The following TRAF3IP1 variants were observed in gnomAD, a reference collection of about 807,000 sequenced individuals.
TRAF3IP1 encodes the protein intraflagellar transport 54, also known as TRAF3-interacting protein 1.
A neutral mutation model predicts 89.9 loss-of-function variants in TRAF3IP1; 53 were observed. The observed-to-expected ratio is 0.59, with a 90% CI of 0.47 to 0.74. The LOEUF (loss-of-function observed/expected upper bound fraction) is 0.74. Ranked by LOEUF, TRAF3IP1 falls within the 30% of genes least tolerant of loss-of-function variation. The pLI, the probability that TRAF3IP1 is intolerant of heterozygous loss-of-function variation, is 0.00. For synonymous variants in TRAF3IP1, 311 were observed against 322.1 expected (o/e 0.97, Z 0.37); for missense variants, 806 against 866.1 (o/e 0.93, Z 0.87).
chr2:238,389,321 C>T (rs1700902753), intron 15 of TRAF3IP1, among the ~76,000 whole-genome samples: 1 of 152,146 alleles, frequency 6.6e-6, no homozygotes, highest in Admixed American at 6.5e-5. Context: ...GTGTACCCAT[C>T]ACCCAGTAGT....
rs1388231612 is a variant in TRAF3IP1, at chr2:238,349,375, G to A, written c.1418G>A (p.Arg473Gln). ...AGACCAGCCCCTCCCCGGGTCAAAC[G>A]GCAAGACAGCATGGAGGCGCTACAA... ...SARPAPPRVKRQDSMEALQMD... is the reference protein window; with the variant it reads ...SARPAPPRVKQQDSMEALQMD... The change falls in exon 12 of 17, where the codon CGG becomes CAG. Residue 473 changes from arginine to glutamine, a missense_variant. Physicochemically the swap from Arg to Gln is conservative, Grantham distance 43 (BLOSUM62 1). Transcript: ENST00000373327. The A allele has an allele frequency of 5.0e-6, 8 of 1,614,112 alleles. No individual in the cohort carries two copies. The highest frequency in any genetic ancestry group is 1.6e-4 in the Middle Eastern group (1 of 6,062).
chr2:238,396,310 A>C lies in TRAF3IP1; in HGVS notation c.1690-1149A>C, dbSNP rs538006461. ...AACCAAACACTGCATGTTCTCACTCATAGGTGGGAATTGAACAATGAGAAC... is the reference window on the plus strand; with the variant it reads ...AACCAAACACTGCATGTTCTCACTCCTAGGTGGGAATTGAACAATGAGAAC... On this transcript the variant is annotated intron_variant, in intron 15 of 16. Coordinates refer to ENST00000373327, the MANE Select transcript of TRAF3IP1 (RefSeq NM_015650.4). 8.7e-4 allele frequency among the ~76,000 whole-genome samples: 126 copies of C among 144,924 alleles called. 1 individual carries two copies. The highest frequency in any genetic ancestry group is 3.8e-3 in the South Asian group (17 of 4,494).
intron 8 of TRAF3IP1, among the ~76,000 whole-genome samples, chr2:238,339,298 A>C (rs1426359778): frequency 6.6e-6 from 1 of 152,238 alleles, no homozygotes; most frequent in African/African-American, 2.4e-5. Flanking sequence ...CTGGGTCTTC[A>C]GTAGCATGGG....
At chr2:238,344,672 C>A (rs773757135) in intron 9 of TRAF3IP1, 74 bp downstream of exon 9, 1 of 1,311,074 alleles carries the variant, frequency 7.6e-7, no homozygotes, top group Admixed American at 1.7e-5. Context: ...CTCAAAGGGC[C>A]GCAGCCCAGA....
chr2:238,398,771 T>C lies in TRAF3IP1; in HGVS notation c.1928T>C (p.Val643Ala). 1 of 1,607,512 alleles carries C rather than the reference T, an allele frequency of 6.2e-7. No homozygotes were observed. Residue 643 changes from valine to alanine, a missense_variant, in exon 17 of 17, where the codon GTG becomes GCG. Val to Ala is a moderately conservative substitution (Grantham distance 64). Around this residue, in one of 3 missense-constraint regions of TRAF3IP1, gnomAD observed 70 missense variants for 67.8 expected, o/e 1.03. Coordinates refer to ENST00000373327, the MANE Select transcript of TRAF3IP1 (RefSeq NM_015650.4). ...TCCCTCAGGATCACAGACTGTGCCG[T>C]GGAGCCCTTAAAGGCTGAGCTCGCG... ...QQEQRITDCA[V>A]EPLKAELAEL...
chr2:238,344,737 T>G, intron 9 of TRAF3IP1, 139 bp downstream of exon 9: 1 of 751,976 alleles, frequency 1.3e-6, no homozygotes. Context: ...AGTGATTCAC[T>G]TCTGCCTTTT....
chr2:238,382,326 T>C (rs1700583915), intron 15 of TRAF3IP1, among the ~76,000 whole-genome samples: 1 of 152,122 alleles, frequency 6.6e-6, no homozygotes, highest in African/African-American at 2.4e-5. Flanking sequence ...GGTGGAATCG[T>C]TGACTGTCAA....
chr2:238,350,923 C>T (rs1310375853), intron 12 of TRAF3IP1, among the ~76,000 whole-genome samples: 3 of 151,908 alleles, frequency 2.0e-5, no homozygotes, highest in Non-Finnish European at 4.4e-5. Flanking sequence ...GGAAGCGCCA[C>T]GGTCATGACC....
At chr2:238,326,015 T>G (rs1163430309) in intron 3 of TRAF3IP1, 45 bp downstream of exon 3, 1 of 1,574,534 alleles carries the variant, frequency 6.4e-7, no homozygotes, top group African/African-American at 1.4e-5. Context: ...AGTACTTGAG[T>G]AAAAAGTAGT....
Position 238,348,749 on chromosome 2 carries a change from T to C in TRAF3IP1, c.1283-15T>C, listed in dbSNP as rs754419178. The C allele has an allele frequency of 5.0e-6, 8 of 1,611,288 alleles. No individual in the cohort carries two copies. The highest frequency in any genetic ancestry group is 6.8e-6 in the Non-Finnish European group (8 of 1,177,626). ...TTTTCCTTTGTGAATTGCTAATTGA[T>C]TGTCATTTGTTTAGAAGGAGATGCT... On this transcript the variant is annotated splice_polypyrimidine_tract_variant and intron_variant, in intron 10 of 16. Transcript: ENST00000373327.
intron 1 of TRAF3IP1, 97 bp downstream of exon 1, chr2:238,320,882 G>A: frequency 9.0e-7 from 1 of 1,110,044 alleles, no homozygotes; most frequent in Non-Finnish European, 1.1e-6. Flanking sequence ...TGCGAGCCGG[G>A]CTCGGGCTCA....
chr2:238,396,683 T>C (rs1234868981), intron 15 of TRAF3IP1, among the ~76,000 whole-genome samples: 3 of 152,212 alleles, frequency 2.0e-5, no homozygotes, highest in Non-Finnish European at 4.4e-5. Context: ...AAATGTTGCA[T>C]GGCAAAGAAC....
At chr2:238,393,360 C>G (rs998721417) in intron 15 of TRAF3IP1, among the ~76,000 whole-genome samples, 1 of 152,066 alleles carries the variant, frequency 6.6e-6, no homozygotes, top group Non-Finnish European at 1.5e-5. Context: ...TGTCTTTTGC[C>G]CATTTTCTAA....
chr2:238,391,545 C>T (rs11904746), intron 15 of TRAF3IP1, among the ~76,000 whole-genome samples: 17,772 of 152,150 alleles, frequency 0.12, 1,765 homozygotes, highest in African/African-American at 0.27. Flanking sequence ...CAATGTATTC[C>T]AGTGCCTTTA....
rs189863065 is a variant in TRAF3IP1, at chr2:238,397,480, G to A, written c.1711G>A (p.Ala571Thr). The change falls in exon 16 of 17, where the codon GCA becomes ACA. Residue 571 changes from alanine (A) to threonine (T), a missense_variant. Coordinates refer to ENST00000373327, the MANE Select transcript of TRAF3IP1 (RefSeq NM_015650.4). ...GTAGGAGCGATCTCTCTTTGAGTCG[G>A]CATGGAAGAAGGAGAAGGACATCGT... Reference protein sequence around the residue: ...GEKERSLFESAWKKEKDIVSK... With the variant: ...GEKERSLFESTWKKEKDIVSK... 18 of 1,612,906 alleles carry A rather than the reference G, an allele frequency of 1.1e-5. No individual in the cohort carries two copies. In the Middle Eastern group the frequency reaches 5.0e-4, roughly 44 times the overall value.
intron 15 of TRAF3IP1, among the ~76,000 whole-genome samples, chr2:238,381,876 A>G (rs975260587): frequency 2.6e-5 from 4 of 152,330 alleles, no homozygotes; most frequent in South Asian, 2.1e-4. Flanking sequence ...AAGCAAAAAA[A>G]TGACATGAAG....
chr2:238,366,018 G>A (rs1328220558), intron 15 of TRAF3IP1, among the ~76,000 whole-genome samples: 1 of 152,150 alleles, frequency 6.6e-6, no homozygotes, highest in Non-Finnish European at 1.5e-5. Flanking sequence ...GGCCGAGGCG[G>A]GCAGATCACA....
intron 1 of TRAF3IP1, among the ~76,000 whole-genome samples, chr2:238,321,672 G>T (rs1371854340): frequency 3.9e-5 from 6 of 152,218 alleles, no homozygotes; most frequent in African/African-American, 1.4e-4. Flanking sequence ...ACCTGTCAAG[G>T]CTCGTGGTAA....
intron 15 of TRAF3IP1, among the ~76,000 whole-genome samples, chr2:238,390,716 T>G (rs1331535155): frequency 6.6e-6 from 1 of 152,178 alleles, no homozygotes; most frequent in African/African-American, 2.4e-5. Flanking sequence ...TTACTTTATA[T>G]TATCCCATTT....
Sources: gnomAD v4.1 joint callset for allele counts (sites outside exome capture counted in the v4.1 genomes callset) on GRCh38, gnomAD v4.1.1 for gene constraint, gnomAD v4.1.1 regional missense constraint, MANE v1.5 for transcripts, NCBI Gene and HGNC (gene_info 2026-07-23, HGNC 2026-07-21) for gene names.